UBE3C: variants seen among roughly 807,000 people sequenced by gnomAD.
UBE3C encodes the protein ubiquitin-protein ligase E3C.
In UBE3C, 42 loss-of-function variants were observed where a neutral mutation model predicts 129.4. The ratio of observed to expected loss-of-function variants is 0.32; its 90% CI spans 0.25 to 0.42. The LOEUF (loss-of-function observed/expected upper bound fraction) is 0.42, where lower values mean the gene tolerates loss of function less well. UBE3C is among the 10% of genes least tolerant of loss of function. The pLI, the probability that UBE3C is intolerant of heterozygous loss-of-function variation, is 1.00. For missense variants in UBE3C, 1,049 were observed against 1,319.1 expected (o/e 0.80, Z 3.17); for synonymous variants, 510 against 492.4 (o/e 1.04, Z -0.47).
chr7:157,207,293 G>T, intron 11 of UBE3C, 105 bp from the exon 12 acceptor site: 1 of 1,466,566 alleles, frequency 6.8e-7, no homozygotes, highest in Non-Finnish European at 9.2e-7. Context: ...TAATGCAAAT[G>T]TTACTTTCCC....
intron 22 of UBE3C, among the ~76,000 whole-genome samples, chr7:157,261,367 T>C (rs1339795499): frequency 7.1e-6 from 1 of 141,830 alleles, no homozygotes; most frequent in Non-Finnish European, 1.5e-5. Flanking sequence ...GGGAAAATCC[T>C]ACCCCAGTCA....
intron 10 of UBE3C, chr7:157,192,728 T>C: frequency 2.3e-6 from 2 of 880,320 alleles, no homozygotes; most frequent in South Asian, 2.7e-5. Context: ...GAGAGTGCCC[T>C]TCTGATGAAT....
intron 17 of UBE3C, among the ~76,000 whole-genome samples, chr7:157,228,602 G>GC (rs1377134979): frequency 6.6e-6 from 1 of 152,238 alleles, no homozygotes; most frequent in Non-Finnish European, 1.5e-5. Flanking sequence ...AAGCAGGAAA[G>GC]CAAGCTGGAG....
chr7:157,222,957 C>T (rs545766011), intron 15 of UBE3C: 11 of 260,552 alleles, frequency 4.2e-5, no homozygotes, highest in Admixed American at 1.0e-4. Flanking sequence ...CGGGCCTCAC[C>T]GCCAGTGCTA....
intron 16 of UBE3C, among the ~76,000 whole-genome samples, chr7:157,223,564 T>C (rs1445983549): frequency 1.3e-4 from 2 of 15,312 alleles, no homozygotes; most frequent in African/African-American, 7.2e-4. Context: ...TTACAACTGA[T>C]TGAAAGCCAG....
rs371220656 is a variant in UBE3C, at chr7:157,211,479, A to G, written c.1809+3544A>G. Among the ~76,000 whole-genome samples the G allele has an allele frequency of 7.1e-4, 108 of 152,270 alleles. 1 individual carries two copies. In the East Asian group the frequency reaches 8.3e-3, roughly 12 times the overall value. ...TAGTGTTTTAAATATGTGCTGAAGAATACTGTTTTTCAAAATACTCCAGTT... is the reference window on the plus strand; with the variant it reads ...TAGTGTTTTAAATATGTGCTGAAGAGTACTGTTTTTCAAAATACTCCAGTT... On this transcript the variant is annotated intron_variant, in intron 13 of 22. Coordinates refer to ENST00000348165, the MANE Select transcript of UBE3C (RefSeq NM_014671.3).
At chr7:157,158,436 C>A (rs1022503066) in intron 1 of UBE3C, among the ~76,000 whole-genome samples, 1 of 152,058 alleles carries the variant, frequency 6.6e-6, no homozygotes, top group Non-Finnish European at 1.5e-5. Context: ...GTGGCAGGAC[C>A]GGTGTAGAGA....
chr7:157,174,245 C>T (rs1290521850), intron 4 of UBE3C, among the ~76,000 whole-genome samples: 2 of 152,052 alleles, frequency 1.3e-5, no homozygotes, highest in African/African-American at 2.4e-5. Flanking sequence ...ACCCGTAATC[C>T]GAGCTACTTG....
rs533555770 is a variant in UBE3C, at chr7:157,267,735, G to A, written c.3232G>A (p.Ala1078Thr). 1.4e-5 allele frequency: 23 copies of A among 1,608,434 alleles called. No homozygotes were observed. The highest frequency in any genetic ancestry group is 2.7e-5 in the African/African-American group (2 of 74,742). The change falls in exon 23 of 23, where the codon GCT becomes ACT. Residue 1078 changes from alanine (A) to threonine (T), a missense_variant. Around this residue, in one of 4 missense-constraint regions of UBE3C, gnomAD observed 243 missense variants for 368.7 expected, o/e 0.66. Coordinates refer to ENST00000348165, the MANE Select transcript of UBE3C (RefSeq NM_014671.3). The part of the protein sequence containing the change: ...SKLLYAIECA[A>T]GFELS ...ACTTCTCTATGCGATTGAATGTGCC[G>A]CTGGCTTTGAGCTGAGCTGAAGCTG... is the stretch of plus-strand genomic sequence containing the variant.
chr7:157,165,624 C>T (rs1300117624), intron 2 of UBE3C, among the ~76,000 whole-genome samples: 1 of 152,104 alleles, frequency 6.6e-6, no homozygotes, highest in African/African-American at 2.4e-5. Flanking sequence ...GTCTTGAACT[C>T]CTAACCTCAA....
chr7:157,216,698 A>G (rs1478575385), intron 13 of UBE3C, among the ~76,000 whole-genome samples, 169 bp from the exon 14 acceptor site: 2 of 152,224 alleles, frequency 1.3e-5, no homozygotes, highest in Admixed American at 1.3e-4. Context: ...CTTTGTATAC[A>G]TTATTGTGAT....
intron 11 of UBE3C, among the ~76,000 whole-genome samples, chr7:157,204,429 T>C (rs1224430608): frequency 1.5e-5 from 2 of 133,510 alleles, no homozygotes; most frequent in Non-Finnish European, 3.3e-5. Context: ...TTTCAGCTTC[T>C]CTGTTCCTGC....
Position 157,245,768 on chromosome 7 carries a change from G to A in UBE3C, c.2482-2600G>A, listed in dbSNP as rs561867492. Among the ~76,000 whole-genome samples, 4 of 152,168 alleles carry A rather than the reference G, an allele frequency of 2.6e-5. No homozygotes were observed. The East Asian group carries it at 7.7e-4, about 29-fold the overall frequency. ...ATGTGCCTGAGCTACTTAAAAAACA[G>A]CATTCTTCAGTCAGGAGTTCGAGAC... On this transcript the variant is annotated intron_variant, in intron 18 of 22. Transcript: ENST00000348165.
intron 11 of UBE3C, among the ~76,000 whole-genome samples, chr7:157,204,676 T>C (rs1305132786): frequency 6.6e-6 from 1 of 152,236 alleles, no homozygotes; most frequent in East Asian, 1.9e-4. Flanking sequence ...GCCAGTTTAG[T>C]TTCCTTCTTC....
chr7:157,269,329 T>G lies in UBE3C; in HGVS notation c.*1574T>G, dbSNP rs571188663. The stretch of plus-strand genomic sequence containing the variant: ...CTGAGCTTATTTATTTATTTGTATG[T>G]TCTAATGGCTAAACATTTACATTAA... On this transcript the variant is annotated 3_prime_UTR_variant, in exon 23 of 23. Transcript: ENST00000348165. 1 of 152,436 alleles carries G rather than the reference T, an allele frequency of 6.6e-6. No homozygotes were observed. Among genetic ancestry groups the G allele is most frequent in the East Asian group, 1.9e-4 (1 of 5,194 alleles). 9.4% of individuals were successfully genotyped at this position (152,436 alleles called of 1,614,324 possible). A position where few individuals can be genotyped will look rare whatever the true frequency, so the allele number is the denominator to read the frequency against.
intron 1 of UBE3C, among the ~76,000 whole-genome samples, chr7:157,144,202 G>A (rs28510264): frequency 0.34 from 50,963 of 152,082 alleles, 9,610 homozygotes; most frequent in African/African-American, 0.51. Context: ...AGACTGAGGC[G>A]GGAGGATCGC....
intron 1 of UBE3C, 107 bp downstream of exon 1, chr7:157,139,445 G>T: frequency 8.9e-7 from 1 of 1,120,584 alleles, no homozygotes; most frequent in African/African-American, 1.6e-5. Flanking sequence ...CCGAGACTTG[G>T]GGCTGGATTC....
chr7:157,212,081 T>C (rs1210120264), intron 13 of UBE3C, among the ~76,000 whole-genome samples: 1 of 152,242 alleles, frequency 6.6e-6, no homozygotes, highest in Non-Finnish European at 1.5e-5. Context: ...TCTCATTTGA[T>C]GTATTTCCCA....
intron 9 of UBE3C, among the ~76,000 whole-genome samples, chr7:157,185,733 T>G (rs562094648): frequency 1.3e-4 from 20 of 152,340 alleles, no homozygotes; most frequent in Middle Eastern, 3.4e-3. Flanking sequence ...TATGTACAAT[T>G]TATTTTAAAA....
Sources: allele counts gnomAD v4.1 joint callset (sites outside exome capture counted in the v4.1 genomes callset), GRCh38; gene constraint gnomAD v4.1.1; regional missense constraint gnomAD v4.1.1; transcripts MANE v1.5; gene names NCBI Gene and HGNC (gene_info 2026-07-23, HGNC 2026-07-21).